The following ADAM32 variants were observed in gnomAD, a reference collection of about 807,000 sequenced individuals.
The protein encoded by ADAM32 is disintegrin and metalloproteinase domain-containing protein 32.
In ADAM32, 89 loss-of-function variants were observed where a neutral mutation model predicts 114.9. The ratio of observed to expected loss-of-function variants is 0.77; its 90% CI spans 0.65 to 0.92. The LOEUF (loss-of-function observed/expected upper bound fraction) is 0.92. ADAM32 is among the 40% of genes least tolerant of loss of function. The pLI is 0.00. For synonymous variants in ADAM32, 285 were observed against 307.5 expected, an observed-to-expected ratio of 0.93 and a Z score of 0.77; for missense variants, 870 against 932.8, an observed-to-expected ratio of 0.93 and a Z score of 0.88.
At chr8:39,151,251 TA>T in intron 5 of ADAM32, 125 bp from the exon 6 acceptor site, 1 of 802,512 alleles carries the variant, frequency 1.2e-6, no homozygotes, top group Non-Finnish European at 1.9e-6. Context: ...GAGTCATCTC[TA>T]AGACAGAATT....
chr8:39,273,845 G>C (rs1812905669), intron 20 of ADAM32, among the ~76,000 whole-genome samples: 1 of 152,038 alleles, frequency 6.6e-6, no homozygotes, highest in African/African-American at 2.4e-5. Flanking sequence ...AATGGAAAGG[G>C]AAAATTGTTT....
chr8:39,224,872 A>G (rs551995621), intron 14 of ADAM32, among the ~76,000 whole-genome samples: 6 of 152,312 alleles, frequency 3.9e-5, no homozygotes, highest in South Asian at 2.1e-4. Context: ...AGAGAAAAAA[A>G]TGGGAAAAAC....
intron 10 of ADAM32, among the ~76,000 whole-genome samples, chr8:39,184,732 G>A (rs1806110596): frequency 6.6e-6 from 1 of 152,160 alleles, no homozygotes; most frequent in Admixed American, 6.5e-5. Context: ...GTTTAGTTCT[G>A]GGAATCTGCA....
chr8:39,237,679 A>T (rs1810265533), intron 16 of ADAM32, among the ~76,000 whole-genome samples: 1 of 145,864 alleles, frequency 6.9e-6, no homozygotes, highest in Non-Finnish European at 1.5e-5. Context: ...AGGTAACTCC[A>T]TTGACCTGAG....
intron 11 of ADAM32, among the ~76,000 whole-genome samples, chr8:39,191,933 G>A (rs1191605556): frequency 6.6e-6 from 1 of 152,132 alleles, no homozygotes; most frequent in Non-Finnish European, 1.5e-5. Context: ...TGTATATGAT[G>A]TAAAGAAGGA....
intron 18 of ADAM32, among the ~76,000 whole-genome samples, chr8:39,256,725 G>A (rs1811669578): frequency 6.6e-6 from 1 of 151,964 alleles, no homozygotes; most frequent in South Asian, 2.1e-4. Context: ...TTATGCCAGT[G>A]CCCTTTTAGT....
At chr8:39,201,393 T>G (rs1336410815) in intron 11 of ADAM32, among the ~76,000 whole-genome samples, 1 of 151,898 alleles carries the variant, frequency 6.6e-6, no homozygotes, top group African/African-American at 2.4e-5. Context: ...GAAGCAATTG[T>G]GAATGGGAGT....
intron 14 of ADAM32, among the ~76,000 whole-genome samples, chr8:39,231,246 C>A (rs1809715225): frequency 6.6e-6 from 1 of 152,112 alleles, no homozygotes; most frequent in African/African-American, 2.4e-5. Context: ...AGGAAGAAAG[C>A]TGCTGTGTTC....
chr8:39,142,585 TG>T (rs1319980299), intron 3 of ADAM32, among the ~76,000 whole-genome samples: 2 of 152,262 alleles, frequency 1.3e-5, no homozygotes, highest in African/African-American at 4.8e-5. Flanking sequence ...GTTAGTCTGA[TG>T]GTCTTCCCTT....
intron 11 of ADAM32, among the ~76,000 whole-genome samples, chr8:39,208,970 C>T (rs1585544850): frequency 6.6e-6 from 1 of 152,214 alleles, no homozygotes; most frequent in African/African-American, 2.4e-5. Flanking sequence ...ATTTGAATAA[C>T]CTTTCTACCC....
chr8:39,259,341 A>C (rs1171372075), intron 19 of ADAM32, among the ~76,000 whole-genome samples: 1 of 152,014 alleles, frequency 6.6e-6, no homozygotes, highest in Non-Finnish European at 1.5e-5. Context: ...CTGGTATTAC[A>C]GGCGTGCACC....
At chr8:39,181,988 T>G (rs1805924779) in intron 10 of ADAM32, among the ~76,000 whole-genome samples, 1 of 152,202 alleles carries the variant, frequency 6.6e-6, no homozygotes, top group African/African-American at 2.4e-5. Flanking sequence ...TAAAACACAA[T>G]TTTTATACTT....
At chr8:39,228,220 C>T (rs1809518472) in intron 14 of ADAM32, among the ~76,000 whole-genome samples, 1 of 152,284 alleles carries the variant, frequency 6.6e-6, no homozygotes, top group East Asian at 1.9e-4. Flanking sequence ...AGAGGCTACT[C>T]AAATGAGAAG....
chr8:39,270,829 G>C, intron 19 of ADAM32, 47 bp from the exon 20 acceptor site: 1 of 1,490,024 alleles, frequency 6.7e-7, no homozygotes, highest in Non-Finnish European at 9.3e-7. Flanking sequence ...CATGAAGTTG[G>C]CAAGTTTTCT....
chr8:39,147,652 C>A (rs1158427626), intron 4 of ADAM32, among the ~76,000 whole-genome samples: 1 of 152,042 alleles, frequency 6.6e-6, no homozygotes, highest in East Asian at 1.9e-4. Flanking sequence ...TCTGCCTTCA[C>A]CCACTGAGAC....
intron 11 of ADAM32, among the ~76,000 whole-genome samples, chr8:39,210,167 G>T (rs1180360188): frequency 6.6e-6 from 1 of 152,152 alleles, no homozygotes; most frequent in Admixed American, 6.5e-5. Flanking sequence ...GGGACCATGG[G>T]GTTCAGCCTG....
intron 2 of ADAM32, among the ~76,000 whole-genome samples, chr8:39,136,116 G>A (rs1802785219): frequency 6.6e-6 from 1 of 152,068 alleles, no homozygotes; most frequent in Non-Finnish European, 1.5e-5. Context: ...TCATCACTGA[G>A]GTTCACTGAC....
chr8:39,236,714 C>A (rs556607033), intron 16 of ADAM32, among the ~76,000 whole-genome samples: 24 of 152,030 alleles, frequency 1.6e-4, no homozygotes, highest in Non-Finnish European at 3.5e-4. Context: ...TGGAAAATCC[C>A]CATACTCTTT....
chr8:39,123,401 C>A lies in ADAM32; in HGVS notation c.138+5236C>A, dbSNP rs551336768. Among the ~76,000 whole-genome samples the A allele has an allele frequency of 3.9e-5, 6 of 152,250 alleles. No individual in the cohort carries two copies. The South Asian group carries it at 1.2e-3, about 32-fold the overall frequency. On this transcript the variant is annotated intron_variant, in intron 2 of 24. Coordinates refer to ENST00000379907, the MANE Select transcript of ADAM32 (RefSeq NM_145004.7). ...TCTATGATCACATTTAACTCTATCT[C>A]CTTAAAGGTCCTGTCTCCACACTGG...
Sources: gnomAD v4.1 joint callset for allele counts (sites outside exome capture counted in the v4.1 genomes callset) on GRCh38, gnomAD v4.1.1 for gene constraint, MANE v1.5 for transcripts, NCBI Gene and HGNC (gene_info 2026-07-23, HGNC 2026-07-21) for gene names.